Variants in BCKDHB observed in about 807,000 individuals in gnomAD.
BCKDHB encodes branched chain keto acid dehydrogenase E1 subunit beta, also known as 2-oxoisovalerate dehydrogenase subunit beta, mitochondrial.
A neutral mutation model predicts 48.5 loss-of-function variants in BCKDHB; 41 were observed. That is an observed-to-expected ratio of 0.85 (90% CI 0.66 to 1.10). The LOEUF (loss-of-function observed/expected upper bound fraction) is 1.10. BCKDHB is among the 50% of genes least tolerant of loss of function. The pLI is 0.00. For missense variants in BCKDHB, 496 were observed against 494.2 expected (o/e 1.00, Z -0.03); for synonymous variants, 201 against 174.8 (o/e 1.15, Z -1.18).
At chr6:80,241,487 GT>G (rs1167089636) in intron 8 of BCKDHB, among the ~76,000 whole-genome samples, 2 of 152,138 alleles carry the variant, frequency 1.3e-5, no homozygotes, top group African/African-American at 4.8e-5. Context: ...GTGCTTGTTG[GT>G]TTTCCTTCTA....
At chr6:80,143,212 G>T (rs1228506997) in intron 3 of BCKDHB, among the ~76,000 whole-genome samples, 3 of 152,082 alleles carry the variant, frequency 2.0e-5, no homozygotes, top group Non-Finnish European at 4.4e-5. Context: ...CAGCTGTATG[G>T]CAACTTCACG....
intron 9 of BCKDHB, among the ~76,000 whole-genome samples, chr6:80,278,418 A>G (rs555350564): frequency 6.6e-6 from 1 of 152,312 alleles, no homozygotes; most frequent in African/African-American, 2.4e-5. Flanking sequence ...CTCTGGGGAT[A>G]TATTGTGGAT....
At chr6:80,431,773 A>G in the BCKDHB span, among the ~76,000 whole-genome samples, 26 of 152,122 alleles carry the variant, frequency 1.7e-4, no homozygotes, top group Non-Finnish European at 7.4e-5. Context: ...GACTCTATCC[A>G]ATTTGCCAGT....
the BCKDHB span, among the ~76,000 whole-genome samples, chr6:80,377,960 G>T: frequency 6.6e-6 from 1 of 152,042 alleles, no homozygotes; most frequent in African/African-American, 2.4e-5. Flanking sequence ...GTGAACACGA[G>T]ATATTTTTCC....
intron 9 of BCKDHB, among the ~76,000 whole-genome samples, chr6:80,283,064 C>T (rs910863452): frequency 2.0e-5 from 3 of 152,110 alleles, no homozygotes; most frequent in African/African-American, 7.2e-5. Context: ...AATGCCACCT[C>T]ACCGCATAAG....
chr6:80,237,882 T>TA (rs1033091961), intron 8 of BCKDHB, among the ~76,000 whole-genome samples: 9 of 151,654 alleles, frequency 5.9e-5, no homozygotes, highest in Admixed American at 3.9e-4. Context: ...CAGACTGCTA[T>TA]AAAAAAAAGG....
chr6:80,122,401 A>G (rs1399259559), intron 1 of BCKDHB, among the ~76,000 whole-genome samples: 1 of 152,298 alleles, frequency 6.6e-6, no homozygotes, highest in East Asian at 1.9e-4. Flanking sequence ...TTTTCTATTG[A>G]TTGGAATAGT....
rs150035986 is a variant in BCKDHB at position 80,218,600 on chromosome 6, G to A, written c.951+15388G>A. Among the ~76,000 whole-genome samples, 17 of 152,062 alleles carry A rather than the reference G, an allele frequency of 1.1e-4. No homozygotes were observed. The East Asian group carries it at 2.9e-3, about 26-fold the overall frequency. ...TCAGTTTTGAGTTATGATATTACCTGTATTTTATTTTTTCTACTGATTACC... is the reference window on the plus strand; with the variant it reads ...TCAGTTTTGAGTTATGATATTACCTATATTTTATTTTTTCTACTGATTACC... On this transcript the variant is annotated intron_variant, in intron 8 of 9. Transcript: ENST00000320393.
intron 9 of BCKDHB, among the ~76,000 whole-genome samples, chr6:80,289,585 T>C (rs1375518547): frequency 6.6e-6 from 1 of 152,124 alleles, no homozygotes; most frequent in Non-Finnish European, 1.5e-5. Context: ...AGCCCTGTGC[T>C]GGGTACCTGA....
rs1357779159 is a variant in BCKDHB, at chr6:80,106,693, G to A, written c.-1G>A. On this transcript the variant is annotated 5_prime_UTR_variant, in exon 1 of 10. Transcript: ENST00000320393. The stretch of plus-strand genomic sequence containing the variant: ...CCTGAGAATCCCGGTGGTGAGCGGG[G>A]ATGGCGGTTGTAGCGGCGGCTGCCG... The A allele has an allele frequency of 5.1e-6, 8 of 1,555,040 alleles. No individual in the cohort carries two copies. Among genetic ancestry groups the A allele is most frequent in the South Asian group, 1.2e-5 (1 of 84,626 alleles).
At chr6:80,445,152 C>G in the BCKDHB span, among the ~76,000 whole-genome samples, 1 of 152,286 alleles carries the variant, frequency 6.6e-6, no homozygotes, top group East Asian at 1.9e-4. Context: ...CTGTTTGGCT[C>G]TATCTTTCTG....
the BCKDHB span, among the ~76,000 whole-genome samples, chr6:80,446,719 A>AT: frequency 7.7e-6 from 1 of 129,684 alleles, no homozygotes; most frequent in African/African-American, 2.7e-5. Flanking sequence ...GCTTCTGGAC[A>AT]ATTTTTTTTT....
intron 6 of BCKDHB, among the ~76,000 whole-genome samples, chr6:80,190,665 A>G (rs1030041510): frequency 1.9e-4 from 29 of 152,234 alleles, no homozygotes; most frequent in African/African-American, 6.8e-4. Context: ...ATTTCATAAA[A>G]GGTGACCTTT....
chr6:80,394,524 C>G, the BCKDHB span, among the ~76,000 whole-genome samples: 1 of 151,932 alleles, frequency 6.6e-6, no homozygotes, highest in Non-Finnish European at 1.5e-5. Context: ...TGTTTGTATG[C>G]TTTGGTCTCT....
chr6:80,304,882 G>T (rs533397271), intron 9 of BCKDHB, among the ~76,000 whole-genome samples: 2 of 152,194 alleles, frequency 1.3e-5, no homozygotes, highest in East Asian at 3.9e-4. Flanking sequence ...ATTAAAAGAA[G>T]AAATTAGAAA....
At chr6:80,286,279 C>CAATTTT (rs1766624063) in intron 9 of BCKDHB, among the ~76,000 whole-genome samples, 1 of 152,050 alleles carries the variant, frequency 6.6e-6, no homozygotes. Context: ...AGAGTAAACC[C>CAATTTT]AATTTTAATT....
At chr6:80,210,782 A>T (rs1406249372) in intron 8 of BCKDHB, among the ~76,000 whole-genome samples, 1 of 152,076 alleles carries the variant, frequency 6.6e-6, no homozygotes, top group African/African-American at 2.4e-5. Flanking sequence ...TGTCATGCTG[A>T]TGTGAAACAG....
At chr6:80,300,542 C>T (rs1414275070) in intron 9 of BCKDHB, among the ~76,000 whole-genome samples, 1 of 152,180 alleles carries the variant, frequency 6.6e-6, no homozygotes, top group Non-Finnish European at 1.5e-5. Context: ...AAGACTTCGA[C>T]AACCACACAG....
chr6:80,234,105 C>CT (rs1272738409), intron 8 of BCKDHB, among the ~76,000 whole-genome samples: 1 of 152,176 alleles, frequency 6.6e-6, no homozygotes, highest in Non-Finnish European at 1.5e-5. Flanking sequence ...TGCTGCTGCT[C>CT]TGACAGGAGG....
Sources: gnomAD v4.1 joint callset for allele counts (sites outside exome capture counted in the v4.1 genomes callset) on GRCh38, gnomAD v4.1.1 for gene constraint, MANE v1.5 for transcripts, NCBI Gene and HGNC (gene_info 2026-07-23, HGNC 2026-07-21) for gene names.